The following TMEM131L variants were observed in gnomAD, a reference collection of about 807,000 sequenced individuals.
The protein encoded by TMEM131L is transmembrane protein 131-like.
A neutral mutation model predicts 192.2 loss-of-function variants in TMEM131L; 54 were observed. That is an observed-to-expected ratio of 0.28 (90% CI 0.23 to 0.35). TMEM131L has a LOEUF of 0.35. Ranked by LOEUF, TMEM131L falls within the 10% of genes least tolerant of loss-of-function variation. The probability of loss-of-function intolerance (pLI) is 1.00; values close to 1 mark genes in which losing one functional copy is unlikely to be tolerated. For synonymous variants in TMEM131L, 701 were observed against 704.9 expected (o/e 0.99, Z 0.09); for missense variants, 1,888 against 1,972.9 (o/e 0.96, Z 0.82).
chr4:153,585,573 G>C lies in TMEM131L; in HGVS notation c.1273G>C (p.Asp425His). The change falls in exon 13 of 35, where the codon GAT becomes CAT. Residue 425 changes from aspartate to histidine, a missense_variant. Asp to His is a moderately conservative substitution (Grantham distance 81, BLOSUM62 -1). Transcript: ENST00000409959. ...TTTTGACCGTAGTGTTGTATTAAAT[G>C]ATGTGTTTCTTTCCAAGGAGACCAA... ...NHFDRSVVLN[D>H]VFLSKETKHM... 6.2e-7 allele frequency: 1 copy of C among 1,613,804 alleles called. No homozygotes were observed. The highest frequency in any genetic ancestry group is 8.5e-7 in the Non-Finnish European group (1 of 1,179,888).
intron 28 of TMEM131L, among the ~76,000 whole-genome samples, chr4:153,622,096 A>G (rs527841313): frequency 6.6e-6 from 1 of 152,224 alleles, no homozygotes; most frequent in East Asian, 1.9e-4. Flanking sequence ...CCTCAGGCAT[A>G]TTGCTGAAGG....
chr4:153,596,452 T>C, intron 20 of TMEM131L, 67 bp downstream of exon 20: 3 of 1,574,812 alleles, frequency 1.9e-6, no homozygotes, highest in East Asian at 2.3e-5. Flanking sequence ...TCTCTTTAGC[T>C]GATAGTTGAC....
chr4:153,612,620 A>G (rs949267390), intron 26 of TMEM131L, among the ~76,000 whole-genome samples: 1 of 152,188 alleles, frequency 6.6e-6, no homozygotes, highest in Non-Finnish European at 1.5e-5. Flanking sequence ...TCTGAAGAGA[A>G]TCTGTTCTTA....
chr4:153,484,147 C>CT (rs1732140948), intron 3 of TMEM131L, among the ~76,000 whole-genome samples: 4 of 152,058 alleles, frequency 2.6e-5, no homozygotes, highest in African/African-American at 9.7e-5. Flanking sequence ...TGAATTGTCA[C>CT]CAGAGTATTA....
intron 7 of TMEM131L, among the ~76,000 whole-genome samples, chr4:153,564,287 C>CAAAAAAAAAAAAAAAAAAAA (rs1178320668): frequency 2.3e-4 from 4 of 17,652 alleles, no homozygotes; most frequent in African/African-American, 5.5e-4. Context: ...AACTCCGTCT[C>CAAAAAAAAAAAAAAAAAAAA]AAAAAAAAAA....
At position 153,612,314 on chromosome 4, in the gene TMEM131L, G is replaced by C; in HGVS notation, c.3481G>C (p.Asp1161His). The change falls in exon 26 of 35, where the codon GAC becomes CAC. Residue 1161 changes from aspartate (D) to histidine (H), a missense_variant. By Grantham distance (81) the Asp-to-His change is moderately conservative. Transcript: ENST00000409959. ...VDHCENLKKV[D>H]TKPSSEKKIH... is the part of the protein sequence containing the mutation. ...TCATTGTGAAAATTTGAAGAAGGTG[G>C]ACACAAAGCCTTCTTCAGAAAAGAA... 1.9e-6 allele frequency: 3 copies of C among 1,596,304 alleles called. No homozygotes were observed. The East Asian group carries it at 6.8e-5, about 36-fold the overall frequency.
At chr4:153,543,692 G>C (rs1403762539) in intron 3 of TMEM131L, among the ~76,000 whole-genome samples, 2 of 152,238 alleles carry the variant, frequency 1.3e-5, no homozygotes, top group Non-Finnish European at 2.9e-5. Context: ...GGAGGTAGCA[G>C]CTGGGTCTTA....
chr4:153,536,079 A>T (rs1444043119), intron 3 of TMEM131L, among the ~76,000 whole-genome samples: 1 of 152,202 alleles, frequency 6.6e-6, no homozygotes, highest in African/African-American at 2.4e-5. Context: ...GCACATCTGC[A>T]TAGGATTCAT....
intron 4 of TMEM131L, among the ~76,000 whole-genome samples, chr4:153,554,989 C>T (rs926704364): frequency 7.2e-5 from 11 of 152,272 alleles, no homozygotes; most frequent in South Asian, 2.1e-4. Context: ...GTGTATTTGC[C>T]ACGGAGCAGG....
At chr4:153,548,948 G>A (rs1369112410) in intron 3 of TMEM131L, among the ~76,000 whole-genome samples, 1 of 151,932 alleles carries the variant, frequency 6.6e-6, no homozygotes, top group African/African-American at 2.4e-5. Context: ...AAAATGGAAA[G>A]ATTCTATTTA....
intron 33 of TMEM131L, among the ~76,000 whole-genome samples, chr4:153,635,095 A>G (rs77315138): frequency 1.3e-5 from 2 of 152,192 alleles, no homozygotes; most frequent in Non-Finnish European, 2.9e-5. Flanking sequence ...TAATAAAAAC[A>G]TTTTAAAGAC....
intron 3 of TMEM131L, among the ~76,000 whole-genome samples, chr4:153,519,286 A>C (rs890073848): frequency 3.3e-5 from 5 of 152,180 alleles, no homozygotes; most frequent in African/African-American, 9.7e-5. Flanking sequence ...TCTGTGTTGC[A>C]GCTTGGGGCC....
intron 29 of TMEM131L, among the ~76,000 whole-genome samples, chr4:153,624,739 T>G (rs1055302486): frequency 1.3e-5 from 2 of 152,316 alleles, no homozygotes; most frequent in African/African-American, 4.8e-5. Flanking sequence ...CAGATCCCAG[T>G]GCACTTCCCA....
chr4:153,555,677 G>A lies in TMEM131L; in HGVS notation c.309-110G>A, dbSNP rs943619212. 2.7e-5 allele frequency: 25 copies of A among 910,826 alleles called. No individual in the cohort carries two copies. The highest frequency in any genetic ancestry group is 3.7e-5 in the Non-Finnish European group (24 of 642,138). The allele number at this position is 910,826 out of a possible 1,614,324, so 56.4% of individuals were successfully genotyped here. Reference sequence around the variant, plus strand: ...TTTAACTTTGTGATGAACAGCAACAGCTTTCTGGGTTTAAAAATCTGTGTG... The same window carrying A: ...TTTAACTTTGTGATGAACAGCAACAACTTTCTGGGTTTAAAAATCTGTGTG... On this transcript the variant is annotated intron_variant, in intron 4 of 34. Transcript: ENST00000409959. The surrounding 1 kb of genome is among the most constrained non-coding windows in gnomAD (Gnocchi z 4.1).
At chr4:153,592,628 G>C in intron 18 of TMEM131L, 44 bp downstream of exon 18, 9 of 1,286,854 alleles carry the variant, frequency 7.0e-6, no homozygotes, top group Non-Finnish European at 1.0e-5. Context: ...GAAGTACTTG[G>C]GAAGACTTAG....
chr4:153,583,179 CT>C lies in TMEM131L; in HGVS notation c.893-7del. ...AATACTCTGCTTTAATACTCTGATT[CT>C]TTTGGACAGATGATTCAGCAGTAAA... is the stretch of plus-strand genomic sequence containing the variant. On this transcript the variant is annotated splice_polypyrimidine_tract_variant and intron_variant, in intron 9 of 34. Coordinates refer to ENST00000409959, the MANE Select transcript of TMEM131L (RefSeq NM_001131007.2). 7.3e-7 allele frequency: 1 copy of C among 1,364,610 alleles called. No homozygotes were observed. The highest frequency in any genetic ancestry group is 1.0e-6 in the Non-Finnish European group (1 of 953,158). The allele number at this position is 1,364,610 out of a possible 1,614,324, so 84.5% of individuals were successfully genotyped here.
chr4:153,531,138 T>A (rs1735869999), intron 3 of TMEM131L, among the ~76,000 whole-genome samples: 1 of 152,192 alleles, frequency 6.6e-6, no homozygotes, highest in Non-Finnish European at 1.5e-5. Context: ...ATGCATGTAC[T>A]CAGGTTCCTT....
intron 2 of TMEM131L, among the ~76,000 whole-genome samples, chr4:153,470,624 G>A (rs1240733604): frequency 6.6e-6 from 1 of 152,226 alleles, no homozygotes. Flanking sequence ...GTGATGGTGT[G>A]GAAACCAAAC....
In TMEM131L at chr4:153,603,339, A is replaced by G. The variant is rs889812261; in HGVS notation, c.2676A>G (p.Gln892=). 3 of 1,613,912 alleles carry G rather than the reference A, an allele frequency of 1.9e-6. No homozygotes were observed. Among genetic ancestry groups the G allele is most frequent in the Non-Finnish European group, 2.5e-6 (3 of 1,179,902 alleles). ...SLLGVILIAF[Q]QAQYILMEFM... ...TGGGTGTGATTTTAATAGCCTTCCA[A>G]CAAGCACAGTACATTCTCATGGAAT... is the stretch of plus-strand genomic sequence containing the variant. Residue 892 remains glutamine, a synonymous_variant, in exon 24 of 35, where the codon CAA becomes CAG. Transcript: ENST00000409959.
Sources: allele counts gnomAD v4.1 joint callset (sites outside exome capture counted in the v4.1 genomes callset), GRCh38; gene constraint gnomAD v4.1.1; non-coding constraint Gnocchi (gnomAD v3.1); transcripts MANE v1.5; gene names NCBI Gene and HGNC (gene_info 2026-07-23, HGNC 2026-07-21).